The following MIR2052HG variants were observed in gnomAD, a reference collection of about 807,000 sequenced individuals.
MIR2052HG encodes the protein MIR2052 host gene.
At chr8:74,609,549 A>T (rs1244288479) in intron 1 of MIR2052HG, 12 of 151,750 alleles carry the variant, frequency 7.9e-5, no homozygotes, top group Admixed American at 7.9e-4. Context: ...TTTCTAACAA[A>T]ATTTTAATTG....
intron 1 of MIR2052HG, among the ~76,000 whole-genome samples, chr8:74,607,066 A>C (rs949689314): frequency 6.6e-6 from 1 of 152,032 alleles, no homozygotes; most frequent in African/African-American, 2.4e-5. Context: ...ATCCAACTAT[A>C]TATAGCCTAT....
chr8:74,640,419 C>T (rs961182850), intron 2 of MIR2052HG, among the ~76,000 whole-genome samples: 1 of 140,182 alleles, frequency 7.1e-6, no homozygotes, highest in Non-Finnish European at 1.5e-5. Flanking sequence ...TGCAGTGAGT[C>T]GAAATTGCAC....
chr8:74,727,843 C>G (rs1221995460), intron 4 of MIR2052HG, among the ~76,000 whole-genome samples: 1 of 152,126 alleles, frequency 6.6e-6, no homozygotes, highest in South Asian at 2.1e-4. Context: ...GTTGGCTTTT[C>G]TATGTGGTTT....
At chr8:74,683,213 T>C (rs897258060) in intron 2 of MIR2052HG, among the ~76,000 whole-genome samples, 1 of 152,142 alleles carries the variant, frequency 6.6e-6, no homozygotes, top group Admixed American at 6.6e-5. Flanking sequence ...ATATCTAATG[T>C]TGCAAAATAA....
intron 2 of MIR2052HG, among the ~76,000 whole-genome samples, chr8:74,680,323 A>T (rs552007879): frequency 6.6e-6 from 1 of 152,198 alleles, no homozygotes; most frequent in Non-Finnish European, 1.5e-5. Context: ...ATGTTCATTG[A>T]TAGAAAGACA....
intron 2 of MIR2052HG, among the ~76,000 whole-genome samples, chr8:74,670,794 G>A (rs1378126427): frequency 1.3e-5 from 2 of 152,078 alleles, no homozygotes; most frequent in Non-Finnish European, 2.9e-5. Flanking sequence ...GTGAAGAAAG[G>A]AGAAATCCTT....
intron 4 of MIR2052HG, among the ~76,000 whole-genome samples, chr8:74,733,613 G>A (rs1164891591): frequency 7.0e-6 from 1 of 142,688 alleles, no homozygotes; most frequent in Non-Finnish European, 1.5e-5. Flanking sequence ...GGGATGGCTG[G>A]GTCAAATGGT....
chr8:74,737,065 G>A (rs1809773551), intron 4 of MIR2052HG, among the ~76,000 whole-genome samples: 1 of 152,230 alleles, frequency 6.6e-6, no homozygotes, highest in South Asian at 2.1e-4. Flanking sequence ...TCTGCGCGCA[G>A]TTGAGAAATT....
intron 2 of MIR2052HG, among the ~76,000 whole-genome samples, chr8:74,657,723 C>T (rs1808821701): frequency 6.6e-6 from 1 of 152,158 alleles, no homozygotes. Context: ...ATAAAACCAT[C>T]AGATCTTGTG....
chr8:74,601,738 A>C (rs570640080), intron 1 of MIR2052HG, among the ~76,000 whole-genome samples: 2 of 152,224 alleles, frequency 1.3e-5, no homozygotes, highest in Non-Finnish European at 2.9e-5. Context: ...TCAACACAGT[A>C]AACATTTAAT....
intron 2 of MIR2052HG, among the ~76,000 whole-genome samples, chr8:74,672,346 G>A (rs1208929018): frequency 6.6e-6 from 1 of 152,074 alleles, no homozygotes; most frequent in Non-Finnish European, 1.5e-5. Context: ...TGTGTAGGTA[G>A]TTTGTTGCCC....
intron 4 of MIR2052HG, among the ~76,000 whole-genome samples, chr8:74,718,987 T>C (rs1809547467): frequency 6.6e-6 from 1 of 152,034 alleles, no homozygotes; most frequent in South Asian, 2.1e-4. Flanking sequence ...GGAGTTTGGC[T>C]AAAAATTAGG....
intron 4 of MIR2052HG, among the ~76,000 whole-genome samples, chr8:74,736,631 G>A (rs932132443): frequency 6.6e-6 from 1 of 152,202 alleles, no homozygotes; most frequent in African/African-American, 2.4e-5. Flanking sequence ...GAGGACAATT[G>A]CCCAAGAGTC....
At chr8:74,697,996 G>T (rs1809316443) in intron 2 of MIR2052HG, among the ~76,000 whole-genome samples, 1 of 151,988 alleles carries the variant, frequency 6.6e-6, no homozygotes, top group Admixed American at 6.6e-5. Context: ...CACAGAACTA[G>T]AAAAAATAAT....
At chr8:74,739,958 C>T (rs1293260264) in intron 4 of MIR2052HG, among the ~76,000 whole-genome samples, 7 of 152,074 alleles carry the variant, frequency 4.6e-5, no homozygotes, top group South Asian at 4.2e-4. Context: ...ACTATTCTAA[C>T]GTCTAGATTT....
intron 4 of MIR2052HG, among the ~76,000 whole-genome samples, chr8:74,734,803 T>G (rs181049737): frequency 6.6e-6 from 1 of 152,204 alleles, no homozygotes; most frequent in African/African-American, 2.4e-5. Flanking sequence ...GATGACTGAT[T>G]TACTGTGGTT....
intron 4 of MIR2052HG, among the ~76,000 whole-genome samples, chr8:74,750,721 T>C (rs1157715091): frequency 6.6e-6 from 1 of 152,188 alleles, no homozygotes; most frequent in Non-Finnish European, 1.5e-5. Context: ...AACTTCATAT[T>C]TCTTTAGAAA....
chr8:74,734,732 G>C (rs543091361), intron 4 of MIR2052HG, among the ~76,000 whole-genome samples: 1 of 152,200 alleles, frequency 6.6e-6, no homozygotes, highest in Non-Finnish European at 1.5e-5. Flanking sequence ...AGCAGCCCTC[G>C]TTGTTGTGTG....
intron 2 of MIR2052HG, among the ~76,000 whole-genome samples, chr8:74,632,851 C>T (rs1254109558): frequency 1.3e-5 from 2 of 151,978 alleles, no homozygotes; most frequent in Admixed American, 1.3e-4. Context: ...CCCTACCTCA[C>T]TGTTTTTATA....
Sources: allele counts gnomAD v4.1 joint callset (sites outside exome capture counted in the v4.1 genomes callset), GRCh38; gene constraint gnomAD v4.1.1; transcripts MANE v1.5; gene names NCBI Gene and HGNC (gene_info 2026-07-23, HGNC 2026-07-21).